CD109: variants seen among roughly 807,000 people sequenced by gnomAD.
CD109 encodes the protein CD109 molecule, also known as CD109 antigen.
A neutral mutation model predicts 165.8 loss-of-function variants in CD109; 149 were observed. The ratio of observed to expected loss-of-function variants is 0.90; its 90% CI spans 0.79 to 1.03. CD109 has a LOEUF of 1.03. Among genes scored for constraint, CD109 ranks in the 50% least tolerant of loss-of-function variants. CD109 has a pLI of 0.00. For synonymous variants in CD109, 585 were observed against 592.1 expected (o/e 0.99, Z 0.18); for missense variants, 1,712 against 1,677.8 (o/e 1.02, Z -0.36).
At chr6:73,821,308 A>T (rs895753339) in intron 32 of CD109, among the ~76,000 whole-genome samples, 11 of 152,012 alleles carry the variant, frequency 7.2e-5, no homozygotes, top group South Asian at 2.1e-4. Flanking sequence ...AAAGTATAAT[A>T]AAAAAAATGG....
chr6:73,814,857 G>T (rs1013452211), intron 29 of CD109, 124 bp from the exon 30 acceptor site: 1 of 511,902 alleles, frequency 2.0e-6, no homozygotes, highest in South Asian at 6.7e-5. Context: ...TTTTTTTCTA[G>T]TTTGAAGATT....
At chr6:73,810,879 A>T (rs540381241) in intron 27 of CD109, 113 bp from the exon 28 acceptor site, 22 of 1,024,756 alleles carry the variant, frequency 2.1e-5, no homozygotes, top group Non-Finnish European at 3.1e-5. Flanking sequence ...ATCAGGGAGC[A>T]TTCCACTCTG....
In CD109 at chr6:73,791,146, T is replaced by TACACATACAC. The variant is rs1562070863; in HGVS notation, c.2702-1479_2702-1478insCACATACACA. 2.6e-4 allele frequency among the ~76,000 whole-genome samples: 7 copies of TACACATACAC among 26,578 alleles called. No homozygotes were observed. In the East Asian group the frequency reaches 0.011, roughly 41 times the overall value. The allele number at this position is 26,578 out of a possible 152,430, so 17.4% of individuals were successfully genotyped here. On this transcript the variant is annotated intron_variant, in intron 22 of 32. Coordinates refer to ENST00000287097, the MANE Select transcript of CD109 (RefSeq NM_133493.5). ...ATATATACATACATACATATATATA[T>TACACATACAC]ATATATATATATATATATATATATA...
intron 26 of CD109, 32 bp downstream of exon 26, chr6:73,808,280 G>T: frequency 6.3e-7 from 1 of 1,579,622 alleles, no homozygotes. Flanking sequence ...AGGTTGTTAT[G>T]CTTTATGAAA....
the CD109 span, among the ~76,000 whole-genome samples, chr6:73,685,149 G>A: frequency 6.6e-6 from 1 of 151,866 alleles, no homozygotes; most frequent in African/African-American, 2.4e-5. Context: ...TGATCCACCC[G>A]CCTCAGCCTC....
chr6:73,762,482 T>C lies in CD109; in HGVS notation c.855+2T>C. On this transcript the variant is annotated splice_donor_variant, in intron 8 of 32. Transcript: ENST00000287097. LOFTEE classifies it high-confidence loss of function. ...AAAAATATTACAAAAACATTTAAGG[T>C]AACTTTTGCAGACACTTTATAACTT... 1 of 1,568,828 alleles carries C rather than the reference T, an allele frequency of 6.4e-7. No homozygotes were observed. The highest frequency in any genetic ancestry group is 1.1e-5 in the South Asian group (1 of 89,506).
At chr6:73,802,306 T>TATATATATA (rs397687397) in intron 23 of CD109, among the ~76,000 whole-genome samples, 16 of 46,208 alleles carry the variant, frequency 3.5e-4, no homozygotes, top group South Asian at 1.6e-3. Context: ...TATATATATA[T>TATATATATA]TTTTTTTTTT....
intron 7 of CD109, among the ~76,000 whole-genome samples, chr6:73,761,813 GCC>G (rs1773645734): frequency 6.7e-6 from 1 of 149,872 alleles, no homozygotes; most frequent in Non-Finnish European, 1.5e-5. Flanking sequence ...GAGCCACCGT[GCC>G]CATCCAGGAT....
chr6:73,791,926 T>C (rs917439948), intron 22 of CD109, among the ~76,000 whole-genome samples: 11 of 152,212 alleles, frequency 7.2e-5, no homozygotes, highest in Non-Finnish European at 1.5e-4. Flanking sequence ...ATAAACTACA[T>C]AGAAAGATAC....
At chr6:73,702,847 G>A (rs1180107352) in intron 2 of CD109, among the ~76,000 whole-genome samples, 2 of 152,206 alleles carry the variant, frequency 1.3e-5, no homozygotes, top group East Asian at 3.8e-4. Flanking sequence ...GAAAATGGTA[G>A]CTATTGTTAC....
At chr6:73,794,611 T>C (rs1395235456) in intron 23 of CD109, among the ~76,000 whole-genome samples, 2 of 151,954 alleles carry the variant, frequency 1.3e-5, no homozygotes, top group Non-Finnish European at 2.9e-5. Flanking sequence ...AGTCAAGGGG[T>C]TGCGGGTCAG....
At chr6:73,796,731 G>A (rs575818921) in intron 23 of CD109, among the ~76,000 whole-genome samples, 6 of 152,148 alleles carry the variant, frequency 3.9e-5, no homozygotes, top group South Asian at 2.1e-4. Context: ...TCTCTGAAGC[G>A]CCCCCACAGT....
At chr6:73,707,856 A>G (rs1190071926) in intron 2 of CD109, among the ~76,000 whole-genome samples, 1 of 150,876 alleles carries the variant, frequency 6.6e-6, no homozygotes. Flanking sequence ...AATGTCACCC[A>G]ATTTTTTCTT....
intron 5 of CD109, among the ~76,000 whole-genome samples, chr6:73,748,491 T>C (rs1299150325): frequency 6.6e-6 from 1 of 152,236 alleles, no homozygotes; most frequent in African/African-American, 2.4e-5. Context: ...TAATACATAC[T>C]CACATATGTG....
chr6:73,757,844 T>G (rs1360795636), intron 6 of CD109, among the ~76,000 whole-genome samples: 2 of 152,212 alleles, frequency 1.3e-5, no homozygotes, highest in African/African-American at 2.4e-5. Flanking sequence ...ATTACACATA[T>G]GGCTCCCATT....
chr6:73,788,619 A>G lies in CD109; in HGVS notation c.2701+7A>G, dbSNP rs140622744. On this transcript the variant is annotated splice_region_variant and intron_variant, in intron 22 of 32. Transcript: ENST00000287097. ...GTTCAGATCACTGCAATTGGTAAGA[A>G]TAGAGTATATCACCATCTATTGGTT... 2 of 1,606,000 alleles carry G rather than the reference A, an allele frequency of 1.2e-6. No individual in the cohort carries two copies. Among genetic ancestry groups the G allele is most frequent in the African/African-American group, 2.7e-5 (2 of 74,808 alleles).
At chr6:73,792,846 G>GT (rs1775024847) in intron 23 of CD109, 44 bp downstream of exon 23, 4 of 1,499,062 alleles carry the variant, frequency 2.7e-6, no homozygotes, top group African/African-American at 1.4e-5. Flanking sequence ...AAAAAAATTT[G>GT]TTTTTTTCAG....
At chr6:73,720,145 T>A (rs1771892813) in intron 2 of CD109, among the ~76,000 whole-genome samples, 1 of 152,152 alleles carries the variant, frequency 6.6e-6, no homozygotes, top group Non-Finnish European at 1.5e-5. Context: ...ATATACGTAA[T>A]GGAACACTAT....
intron 32 of CD109, 40 bp from the exon 33 acceptor site, chr6:73,823,417 AC>A: frequency 6.7e-7 from 1 of 1,496,668 alleles, no homozygotes; most frequent in Non-Finnish European, 9.1e-7. Flanking sequence ...ATGTTTCTAA[AC>A]AAGGGAGCCG....
Sources: allele counts gnomAD v4.1 joint callset (sites outside exome capture counted in the v4.1 genomes callset), GRCh38; gene constraint gnomAD v4.1.1; transcripts MANE v1.5; gene names NCBI Gene and HGNC (gene_info 2026-07-23, HGNC 2026-07-21).